UNC13B: variants seen among roughly 807,000 people sequenced by gnomAD.
UNC13B encodes unc-13 homolog B.
A neutral mutation model predicts 211.0 loss-of-function variants in UNC13B; 144 were observed. The observed-to-expected ratio is 0.68, with a 90% CI of 0.60 to 0.78. The LOEUF (loss-of-function observed/expected upper bound fraction) is 0.78. Ranked by LOEUF, UNC13B falls within the 30% of genes least tolerant of loss-of-function variation. The pLI is 0.00. For synonymous variants in UNC13B, 709 were observed against 725.8 expected (o/e 0.98, Z 0.37); for missense variants, 1,777 against 2,002.0 (o/e 0.89, Z 2.14).
chr9:35,390,122 G>C, intron 25 of UNC13B, 149 bp downstream of exon 25: 3 of 1,436,362 alleles, frequency 2.1e-6, no homozygotes, highest in South Asian at 2.7e-5. Context: ...ATCTGTCTGG[G>C]TAACTGTTTC....
At chr9:35,164,604 A>T (rs1382161731) in intron 1 of UNC13B, among the ~76,000 whole-genome samples, 1 of 152,160 alleles carries the variant, frequency 6.6e-6, no homozygotes, top group Non-Finnish European at 1.5e-5. Flanking sequence ...TAAGGCTCTC[A>T]ATACTCTGAC....
intron 29 of UNC13B, 103 bp downstream of exon 29, chr9:35,397,413 G>T: frequency 6.5e-7 from 1 of 1,530,746 alleles, no homozygotes; most frequent in Non-Finnish European, 8.9e-7. Context: ...TCCTGGTAAA[G>T]CTCGTGTGAC....
chr9:35,200,488 GT>G (rs1329809705), intron 1 of UNC13B, among the ~76,000 whole-genome samples: 2 of 152,164 alleles, frequency 1.3e-5, no homozygotes, highest in Non-Finnish European at 2.9e-5. Flanking sequence ...TTCTTCCATT[GT>G]TTGTGTCCTC....
intron 7 of UNC13B, among the ~76,000 whole-genome samples, chr9:35,266,083 G>A (rs533459459): frequency 3.9e-5 from 6 of 152,236 alleles, no homozygotes; most frequent in South Asian, 4.2e-4. Flanking sequence ...GATTATAGGC[G>A]TTGAGCCACC....
rs1044382618 is a variant in UNC13B at position 35,162,025 on chromosome 9, A to G, written c.-259A>G. ...ACGGGAGGGAGTCCCGGCAGCTCCT[A>G]CCTCCCAGCGATGGCGTCGCTGTGC... On this transcript the variant is annotated 5_prime_UTR_variant, in exon 1 of 40. Transcript: ENST00000635942. The G allele has an allele frequency of 1.8e-6, 1 of 543,934 alleles. No homozygotes were observed. The highest frequency in any genetic ancestry group is 2.0e-5 in the African/African-American group (1 of 49,376). 33.7% of individuals were successfully genotyped at this position (543,934 alleles called of 1,614,324 possible). A position where few individuals can be genotyped will look rare whatever the true frequency, so the allele number is the denominator to read the frequency against.
chr9:35,403,170 C>T lies in UNC13B; in HGVS notation c.12488C>T (p.Ser4163Phe), dbSNP rs538269145. 6 of 1,613,966 alleles carry T rather than the reference C, an allele frequency of 3.7e-6. No individual in the cohort carries two copies. In the African/African-American group the frequency reaches 8.0e-5, roughly 22 times the overall value. The change falls in exon 38 of 40, where the codon TCT becomes TTT. Residue 4163 changes from serine to phenylalanine, a missense_variant. Transcript: ENST00000635942. The stretch of plus-strand genomic sequence containing the variant: ...CATCTCTCCATTTGTCCCTCAGGGT[C>T]TGGTGTGGACGATCCTGTGGGAGAA... The part of the protein sequence containing the change: ...TFVRSQTTQG[S>F]GVDDPVGEVS...
At chr9:35,321,079 T>G (rs1348109171) in intron 11 of UNC13B, among the ~76,000 whole-genome samples, 1 of 151,448 alleles carries the variant, frequency 6.6e-6, no homozygotes, top group Non-Finnish European at 1.5e-5. Flanking sequence ...TCATAATATG[T>G]GTGGATTTAA....
intron 6 of UNC13B, 38 bp downstream of exon 6, chr9:35,243,402 GA>G: frequency 6.2e-7 from 1 of 1,604,766 alleles, no homozygotes; most frequent in Non-Finnish European, 8.5e-7. Context: ...AGAGATGGGG[GA>G]AAATCTCCAA....
At chr9:35,345,377 C>T (rs565277541) in intron 11 of UNC13B, among the ~76,000 whole-genome samples, 5 of 152,088 alleles carry the variant, frequency 3.3e-5, no homozygotes, top group African/African-American at 1.2e-4. Flanking sequence ...GATGAAGTAT[C>T]AAAGGGGATT....
chr9:35,397,105 C>A (rs546972540), intron 28 of UNC13B, 62 bp from the exon 29 acceptor site: 1 of 1,606,368 alleles, frequency 6.2e-7, no homozygotes, highest in Non-Finnish European at 8.5e-7. Flanking sequence ...CCTTTTCAAA[C>A]TCTACAAGCT....
intron 1 of UNC13B, among the ~76,000 whole-genome samples, chr9:35,177,307 A>G (rs1003267699): frequency 2.6e-5 from 4 of 152,050 alleles, no homozygotes; most frequent in African/African-American, 4.8e-5. Flanking sequence ...AAAAAACAAA[A>G]CTATAGGGCC....
chr9:35,273,800 G>A (rs1466929729), intron 7 of UNC13B, among the ~76,000 whole-genome samples: 3 of 152,206 alleles, frequency 2.0e-5, no homozygotes, highest in Admixed American at 2.0e-4. Context: ...AGGCCTGTGG[G>A]CTGTGTTGGC....
At chr9:35,383,955 T>C (rs557103528) in intron 21 of UNC13B, among the ~76,000 whole-genome samples, 2 of 152,350 alleles carry the variant, frequency 1.3e-5, no homozygotes, top group East Asian at 3.9e-4. Flanking sequence ...TCATGCCCTA[T>C]TGACTCTCAT....
chr9:35,282,850 TAC>T (rs1255450735), intron 7 of UNC13B, among the ~76,000 whole-genome samples: 1 of 152,228 alleles, frequency 6.6e-6, no homozygotes, highest in Non-Finnish European at 1.5e-5. Flanking sequence ...TTGTTTGACT[TAC>T]AGAGTTTTTT....
chr9:35,397,584 T>C (rs762013804), intron 29 of UNC13B, 51 bp from the exon 30 acceptor site: 45 of 1,568,276 alleles, frequency 2.9e-5, no homozygotes, highest in Admixed American at 1.5e-4. Context: ...AAGATCCCCA[T>C]AGAAGAGCTA....
chr9:35,380,746 TACAGA>T, intron 18 of UNC13B, 107 bp downstream of exon 18: 1 of 1,428,174 alleles, frequency 7.0e-7, no homozygotes, highest in Non-Finnish European at 9.7e-7. Context: ...CATACCTCTA[TACAGA>T]GCCTGTCTCA....
chr9:35,386,024 C>T (rs1835165170), intron 23 of UNC13B, 141 bp from the exon 24 acceptor site: 2 of 1,457,636 alleles, frequency 1.4e-6, no homozygotes, highest in Admixed American at 2.1e-5. Flanking sequence ...TGTCAACTAT[C>T]CTGGCAATTT....
At chr9:35,317,546 A>G (rs1486303137) in intron 11 of UNC13B, among the ~76,000 whole-genome samples, 2 of 141,108 alleles carry the variant, frequency 1.4e-5, no homozygotes, top group African/African-American at 2.7e-5. Flanking sequence ...TTTTTAAGAC[A>G]GAGCCTCACT....
chr9:35,217,230 G>C (rs1824297579), intron 1 of UNC13B, among the ~76,000 whole-genome samples: 1 of 152,008 alleles, frequency 6.6e-6, no homozygotes, highest in Non-Finnish European at 1.5e-5. Context: ...AGGGTACATA[G>C]GACCTCTCTA....
Sources: allele counts gnomAD v4.1 joint callset (sites outside exome capture counted in the v4.1 genomes callset), GRCh38; gene constraint gnomAD v4.1.1; transcripts MANE v1.5; gene names NCBI Gene and HGNC (gene_info 2026-07-23, HGNC 2026-07-21).